The following LRPPRC variants were observed in gnomAD, a reference collection of about 807,000 sequenced individuals.
LRPPRC encodes leucine rich pentatricopeptide repeat containing, also known as leucine-rich PPR motif-containing protein, mitochondrial.
Under a neutral mutation model 180.3 loss-of-function variants are expected in LRPPRC, and 120 were observed. That is an observed-to-expected ratio of 0.67 (90% CI 0.57 to 0.77). LRPPRC has a LOEUF of 0.77. LRPPRC is among the 30% of genes least tolerant of loss of function. LRPPRC has a pLI of 0.00. For synonymous variants in LRPPRC, 723 were observed against 600.0 expected, an observed-to-expected ratio of 1.21 and a Z score of -3.00; for missense variants, 2,012 against 1,657.2, an observed-to-expected ratio of 1.21 and a Z score of -3.72.
chr2:43,956,317 G>C (rs1673112167), intron 14 of LRPPRC, among the ~76,000 whole-genome samples: 1 of 152,168 alleles, frequency 6.6e-6, no homozygotes, highest in Admixed American at 6.5e-5. Context: ...TCTGAACATG[G>C]ACTACATATA....
At chr2:43,900,196 A>C (rs1471067976) in intron 32 of LRPPRC, among the ~76,000 whole-genome samples, 1 of 152,148 alleles carries the variant, frequency 6.6e-6, no homozygotes, top group African/African-American at 2.4e-5. Flanking sequence ...CTCAGGAAAA[A>C]GTATCTTCAC....
At chr2:43,930,276 GT>G (rs1672040162) in intron 25 of LRPPRC, among the ~76,000 whole-genome samples, 1 of 152,086 alleles carries the variant, frequency 6.6e-6, no homozygotes, top group Non-Finnish European at 1.5e-5. Flanking sequence ...CGGAGAAAGG[GT>G]AAGTTATTTT....
intron 11 of LRPPRC, among the ~76,000 whole-genome samples, chr2:43,971,448 GCACATGCC>G (rs1408963441): frequency 1.7e-5 from 2 of 120,910 alleles, no homozygotes; most frequent in East Asian, 4.2e-4. Flanking sequence ...ATTATACAGG[GCACATGCC>G]CTCAGGACCT....
chr2:43,934,311 A>C lies in LRPPRC; in HGVS notation c.2630-15T>G, dbSNP rs1288824616. The stretch of plus-strand genomic sequence containing the variant: ...AAAGTCCATTGCTAGGTAGGAGAGA[A>C]AAAAATATATATATTAGGAGAAAAA... On this transcript the variant is annotated splice_polypyrimidine_tract_variant and intron_variant, in intron 24 of 37. Transcript: ENST00000260665. The C allele has an allele frequency of 1.4e-5, 18 of 1,254,844 alleles. No individual in the cohort carries two copies. Among genetic ancestry groups the C allele is most frequent in the Non-Finnish European group, 2.1e-5 (18 of 855,232 alleles). The allele number at this position is 1,254,844 out of a possible 1,614,324, so 77.7% of individuals were successfully genotyped here.
intron 27 of LRPPRC, among the ~76,000 whole-genome samples, chr2:43,923,747 G>A (rs1054325253): frequency 1.3e-5 from 2 of 149,428 alleles, no homozygotes; most frequent in African/African-American, 4.9e-5. Context: ...AGTCTTCCAT[G>A]AGGACTACTT....
rs1673915121 is a variant in LRPPRC, at chr2:43,973,622, C to G, written c.1354G>C (p.Glu452Gln). 1 of 1,612,738 alleles carries G rather than the reference C, an allele frequency of 6.2e-7. No homozygotes were observed. Among genetic ancestry groups the G allele is most frequent in the African/African-American group, 1.3e-5 (1 of 74,876 alleles). The change falls in exon 11 of 38, where the codon GAA becomes CAA. Residue 452 changes from glutamate (E) to glutamine (Q), a missense_variant. Physicochemically the swap from Glu to Gln is conservative, Grantham distance 29. Coordinates refer to ENST00000260665, the MANE Select transcript of LRPPRC (RefSeq NM_133259.4). ...AAAATCTAACCTTGAACATTTTTTT[C>G]CTTCCGACGTCCAACTAGCAATGGC... is the stretch of plus-strand genomic sequence containing the variant. ...FWPLLVGRRK[E>Q]KNVQGIIEIL...
At chr2:43,915,218 TCTCTCTCTCTCTCTCACACA>T (rs1314492624) in intron 29 of LRPPRC, among the ~76,000 whole-genome samples, 8 of 104,008 alleles carry the variant, frequency 7.7e-5, no homozygotes, top group African/African-American at 2.3e-4. Context: ...TCTCTCTCTC[TCTCTCTCTCTCTCTCACACA>T]CACACACACA....
At chr2:43,890,025 T>C in intron 36 of LRPPRC, 149 bp from the exon 37 acceptor site, 2 of 655,020 alleles carry the variant, frequency 3.1e-6, no homozygotes, top group Non-Finnish European at 5.5e-6. Context: ...ACATTCAGAA[T>C]CTACCATCTC....
intron 3 of LRPPRC, among the ~76,000 whole-genome samples, chr2:43,978,806 A>C (rs1214722718): frequency 1.3e-5 from 2 of 151,968 alleles, no homozygotes; most frequent in East Asian, 1.9e-4. Context: ...TAAATATTTT[A>C]TTTATCTGTA....
intron 25 of LRPPRC, 103 bp from the exon 26 acceptor site, chr2:43,926,064 ATATATACTAAACT>A (rs1558951456): frequency 1.3e-5 from 9 of 715,068 alleles, no homozygotes; most frequent in South Asian, 9.0e-5. Flanking sequence ...GCTGCCAAAT[ATATATACTAAACT>A]TATATACTAA....
intron 11 of LRPPRC, among the ~76,000 whole-genome samples, chr2:43,972,317 T>C (rs1373290133): frequency 1.3e-5 from 2 of 152,222 alleles, no homozygotes; most frequent in Non-Finnish European, 2.9e-5. Context: ...AAGCCCATTT[T>C]CTACTATTTC....
intron 13 of LRPPRC, chr2:43,959,058 T>A (rs1673232750): frequency 1.8e-6 from 1 of 559,606 alleles, no homozygotes; most frequent in South Asian, 2.6e-5. Context: ...ACAAAAAGCA[T>A]CTAGTTTCCT....
rs1346415614 is a variant in LRPPRC at position 43,947,374 on chromosome 2, CAGAAAAGAAAAA to C, written c.1966-16_1966-5del. The stretch of plus-strand genomic sequence containing the variant: ...CAGATGATGTAAGTTGCACAGTCTA[CAGAAAAGAAAAA>C]AGAAAAGAAAAATTTCCTGAAAAAG... On this transcript the variant is annotated splice_region_variant and splice_polypyrimidine_tract_variant and intron_variant, in intron 19 of 37. Transcript: ENST00000260665. 1 of 1,461,564 alleles carries C rather than the reference CAGAAAAGAAAAA, an allele frequency of 6.8e-7. No homozygotes were observed. The highest frequency in any genetic ancestry group is 2.3e-5 in the East Asian group (1 of 44,024). The allele number at this position is 1,461,564 out of a possible 1,614,324, so 90.5% of individuals were successfully genotyped here. A position where few individuals can be genotyped will look rare whatever the true frequency, so the allele number is the denominator to read the frequency against.
rs149213644 is a variant in LRPPRC, at chr2:43,990,592, G to A, written c.149+5207C>T. Among the ~76,000 whole-genome samples, 864 of 152,158 alleles carry A rather than the reference G, an allele frequency of 5.7e-3. 4 individuals carry two copies. The highest frequency in any genetic ancestry group is 0.019 in the South Asian group (92 of 4,816). On this transcript the variant is annotated intron_variant, in intron 1 of 37. Transcript: ENST00000260665. ...ATAAACGGCCTCCAAGTCTCTTCAC[G>A]CTCTTCTCTATTTTTGGAACATTCT...
intron 23 of LRPPRC, among the ~76,000 whole-genome samples, chr2:43,936,615 TA>T (rs1672287649): frequency 6.6e-6 from 1 of 152,186 alleles, no homozygotes; most frequent in African/African-American, 2.4e-5. Flanking sequence ...TAAGCTGTAC[TA>T]AAAAAGTAAA....
chr2:43,928,574 C>T (rs957876477), intron 25 of LRPPRC, among the ~76,000 whole-genome samples: 4 of 151,988 alleles, frequency 2.6e-5, no homozygotes, highest in Non-Finnish European at 5.9e-5. Context: ...TGCACAAGGG[C>T]TTTAAAGAAG....
intron 29 of LRPPRC, among the ~76,000 whole-genome samples, chr2:43,913,440 A>G (rs1671334267): frequency 6.6e-6 from 1 of 152,138 alleles, no homozygotes; most frequent in South Asian, 2.1e-4. Flanking sequence ...TAATTAAGAC[A>G]GAACATGATA....
At chr2:43,948,005 G>A (rs1342493707) in intron 18 of LRPPRC, 117 bp downstream of exon 18, 2 of 741,268 alleles carry the variant, frequency 2.7e-6, no homozygotes, top group Non-Finnish European at 4.8e-6. Flanking sequence ...CGTTTTAATG[G>A]CTGTCATTGA....
At position 43,888,362 on chromosome 2, in the gene LRPPRC, G is replaced by A. The variant is rs1670346126; in HGVS notation, c.*238C>T. The stretch of plus-strand genomic sequence containing the variant: ...TAGGGGAAGAATCCTGAAAAAGTAT[G>A]GCTTCACACAGCAGCAGCATTGAAG... On this transcript the variant is annotated 3_prime_UTR_variant, in exon 38 of 38. Coordinates refer to ENST00000260665, the MANE Select transcript of LRPPRC (RefSeq NM_133259.4). 1 of 415,856 alleles carries A rather than the reference G, an allele frequency of 2.4e-6. No homozygotes were observed. The highest frequency in any genetic ancestry group is 2.0e-5 in the African/African-American group (1 of 49,420). 25.8% of individuals were successfully genotyped at this position (415,856 alleles called of 1,614,324 possible).
Sources: gnomAD v4.1 joint callset for allele counts (sites outside exome capture counted in the v4.1 genomes callset) on GRCh38, gnomAD v4.1.1 for gene constraint, MANE v1.5 for transcripts, NCBI Gene and HGNC (gene_info 2026-07-23, HGNC 2026-07-21) for gene names.